ULK3: variants seen among roughly 807,000 people sequenced by gnomAD.
ULK3 encodes serine/threonine-protein kinase ULK3.
Under a neutral mutation model 69.4 loss-of-function variants are expected in ULK3, and 54 were observed. That is an observed-to-expected ratio of 0.78 (90% CI 0.63 to 0.98). The LOEUF (loss-of-function observed/expected upper bound fraction) is 0.98, where lower values mean the gene tolerates loss of function less well. Among genes scored for constraint, ULK3 ranks in the 50% least tolerant of loss-of-function variants. The pLI, the probability that ULK3 is intolerant of heterozygous loss-of-function variation, is 0.00. For missense variants in ULK3, 558 were observed against 627.7 expected (o/e 0.89, Z 1.19); for synonymous variants, 240 against 254.5 (o/e 0.94, Z 0.54).
At chr15:74,839,809 G>C (rs2064179769) in intron 6 of ULK3, 96 bp from the exon 7 acceptor site, 6 of 1,419,240 alleles carry the variant, frequency 4.2e-6, no homozygotes, top group East Asian at 5.0e-5. Flanking sequence ...GGTACGCGTT[G>C]GACAGGTGGG....
chr15:74,842,046 A>T lies in ULK3; in HGVS notation c.364+29T>A, dbSNP rs750941322. The T allele has an allele frequency of 6.2e-7, 1 of 1,613,156 alleles. No homozygotes were observed. The highest frequency in any genetic ancestry group is 1.1e-5 in the South Asian group (1 of 91,068). On this transcript the variant is annotated intron_variant, in intron 3 of 15. Coordinates refer to ENST00000440863, the MANE Select transcript of ULK3 (RefSeq NM_001099436.4). This position sits in a 1 kb window ranked among gnomAD's most constrained non-coding sequence, Gnocchi z 4.9. ...GTGGGGGGCAGAGAACAAGGGACAG[A>T]GTGTCAGGCTGGTGTCACAGGCCTT...
In ULK3 at chr15:74,838,287, C is replaced by G. The variant is rs1008991958; in HGVS notation, c.1225G>C (p.Glu409Gln). ...TCACCTGCCAGCAACAGCAGTAGCT[C>G]CCCCAGGCTGTGCTGGTACAGGTCC... Reference protein sequence around the residue: ...ALDLYQHSLGELLLLLAAEPP... With the variant: ...ALDLYQHSLGQLLLLLAAEPP... The change falls in exon 12 of 16, where the codon GAG (glutamate) becomes CAG (glutamine). Residue 409 changes from glutamate (E) to glutamine (Q), a missense_variant. Physicochemically the swap from Glu to Gln is conservative, Grantham distance 29. Transcript: ENST00000440863. The G allele has an allele frequency of 6.4e-7, 1 of 1,562,482 alleles. No individual in the cohort carries two copies. The highest frequency in any genetic ancestry group is 1.4e-5 in the African/African-American group (1 of 73,636).
chr15:74,839,923 G>A (rs796938551), intron 6 of ULK3, among the ~76,000 whole-genome samples: 21 of 152,294 alleles, frequency 1.4e-4, no homozygotes, highest in African/African-American at 5.1e-4. Flanking sequence ...GGAGCCCTGA[G>A]CTGAGCTAGA....
Position 74,840,775 on chromosome 15 carries a change from C to G in ULK3, c.470-134G>C, listed in dbSNP as rs1048144304. The G allele has an allele frequency of 1.6e-5, 20 of 1,243,638 alleles. No individual in the cohort carries two copies. The African/African-American group carries it at 2.6e-4, about 16-fold the overall frequency. The allele number at this position is 1,243,638 out of a possible 1,614,324, so 77.0% of individuals were successfully genotyped here. ...ACCCTATTTCCAAGCCTCTGCTCAT[C>G]ATTAGGCTGGAACACCCTCCTATAT... On this transcript the variant is annotated intron_variant, in intron 4 of 15. Coordinates refer to ENST00000440863, the MANE Select transcript of ULK3 (RefSeq NM_001099436.4).
At position 74,842,305 on chromosome 15, in the gene ULK3, TG is replaced by T; in HGVS notation, c.217del (p.His73ThrfsTer5). On this transcript the variant is annotated frameshift_variant, in exon 2 of 16. Coordinates refer to ENST00000440863, the MANE Select transcript of ULK3 (RefSeq NM_001099436.4). LOFTEE classifies it high-confidence loss of function. This position sits in a 1 kb window ranked among gnomAD's most constrained non-coding sequence, Gnocchi z 4.9. ...IEILKGIRHP[H>X]IVQLKDFQWD... ...CTGAAAGTCTTTCAGCTGCACAATG[TG>T]GGGATGTCGAATGCCCTTGAGGATC... 2 of 1,614,018 alleles carry T rather than the reference TG, an allele frequency of 1.2e-6. No homozygotes were observed. Among genetic ancestry groups the T allele is most frequent in the Non-Finnish European group, 1.7e-6 (2 of 1,179,882 alleles).
intron 9 of ULK3, 35 bp downstream of exon 9, chr15:74,838,975 T>C (rs1188385615): frequency 2.4e-6 from 3 of 1,251,502 alleles, no homozygotes; most frequent in Non-Finnish European, 2.3e-6. Context: ...CCTTACCCCC[T>C]GCCCCCCCAC....
chr15:74,842,213 G>A lies in ULK3; in HGVS notation c.244-18C>T. The A allele has an allele frequency of 6.2e-7, 1 of 1,614,034 alleles. No homozygotes were observed. The highest frequency in any genetic ancestry group is 8.5e-7 in the Non-Finnish European group (1 of 1,179,896). Reference sequence around the variant, plus strand: ...CTGTCCCACTGTGTTTAGAGGCAGAGAGGCGGCCTGAAGAGAGTGTCCCTT... The same window carrying A: ...CTGTCCCACTGTGTTTAGAGGCAGAAAGGCGGCCTGAAGAGAGTGTCCCTT... On this transcript the variant is annotated intron_variant, in intron 2 of 15. Transcript: ENST00000440863. This position sits in a 1 kb window ranked among gnomAD's most constrained non-coding sequence, Gnocchi z 4.9.
At chr15:74,841,925 G>T in intron 3 of ULK3, 150 bp downstream of exon 3, 1 of 1,327,028 alleles carries the variant, frequency 7.5e-7, no homozygotes. Context: ...AGCAAGGGTT[G>T]AGTGTATGAG....
At position 74,839,336 on chromosome 15, in the gene ULK3, TC is replaced by T; in HGVS notation, c.889del (p.Glu297ArgfsTer60). The T allele has an allele frequency of 6.4e-7, 1 of 1,566,810 alleles. No homozygotes were observed. Among genetic ancestry groups the T allele is most frequent in the Non-Finnish European group, 8.7e-7 (1 of 1,155,262 alleles). ...TGATAAGGCAGCTGCTGAATCCCCC[TC>T]CTGGTCTTTCTTCACAGCCTGCACC... is the stretch of plus-strand genomic sequence containing the variant. ...LVVQAVKKDQ[E>X]GDSAAALSLY... On this transcript the variant is annotated frameshift_variant, in exon 8 of 16. Coordinates refer to ENST00000440863, the MANE Select transcript of ULK3 (RefSeq NM_001099436.4). LOFTEE classifies it high-confidence loss of function.
At position 74,842,739 on chromosome 15, in the gene ULK3, T is replaced by A; in HGVS notation, c.102+265A>T. 6.6e-7 allele frequency: 1 copy of A among 1,517,184 alleles called. No individual in the cohort carries two copies. The highest frequency in any genetic ancestry group is 2.0e-5 in the Admixed American group (1 of 50,490). 94.0% of individuals were successfully genotyped at this position (1,517,184 alleles called of 1,614,324 possible). ...AGAACCGCCCACTCTGCCTCCCAAC[T>A]GGCTCCAGTCCCAGACTCCTCCCAG... is the stretch of plus-strand genomic sequence containing the variant. On this transcript the variant is annotated intron_variant, in intron 1 of 15. Coordinates refer to ENST00000440863, the MANE Select transcript of ULK3 (RefSeq NM_001099436.4). The surrounding 1 kb of genome is among the most constrained non-coding windows in gnomAD (Gnocchi z 4.9).
chr15:74,840,708 T>C, intron 4 of ULK3, 67 bp from the exon 5 acceptor site: 5 of 1,502,942 alleles, frequency 3.3e-6, no homozygotes, highest in Non-Finnish European at 4.4e-6. Context: ...TTGTAAAGCC[T>C]CACCCCAGGC....
intron 10 of ULK3, 38 bp from the exon 11 acceptor site, chr15:74,838,542 C>A: frequency 1.9e-6 from 3 of 1,565,716 alleles, no homozygotes; most frequent in Non-Finnish European, 2.6e-6. Context: ...AGGGAAGCAA[C>A]CTGCCTGTTC....
At chr15:74,841,591 C>G in intron 3 of ULK3, 82 bp from the exon 4 acceptor site, 6 of 1,158,596 alleles carry the variant, frequency 5.2e-6, no homozygotes, top group Non-Finnish European at 7.6e-6. Flanking sequence ...CATCTGCCTC[C>G]TCAAGCCTGC....
In ULK3 at chr15:74,840,636, C is replaced by T. The variant is rs748522198; in HGVS notation, c.475G>A (p.Gly159Ser). 1.9e-6 allele frequency: 3 copies of T among 1,562,680 alleles called. No homozygotes were observed. The highest frequency in any genetic ancestry group is 2.6e-6 in the Non-Finnish European group (3 of 1,156,996). Residue 159 changes from glycine to serine, a missense_variant, in exon 5 of 16, where the codon GGT (glycine) becomes AGT (serine). Coordinates refer to ENST00000440863, the MANE Select transcript of ULK3 (RefSeq NM_001099436.4). ...EKPHLKLADF[G>S]FAQHMSPWDE... The stretch of plus-strand genomic sequence containing the variant: ...CACGGGGACATGTGTTGTGCGAAAC[C>T]AAAGTCTGCAGGCAAGAGGAGAGGC...
chr15:74,840,577 GA>G lies in ULK3; in HGVS notation c.533del (p.Leu178ProfsTer115). ...DEKHVLRGSP[L>X]YMAPEMVCQR... Reference sequence around the variant, plus strand: ...GGCACACCATCTCGGGGGCCATGTAGAGGGGGGAGCCACGGAGCACGTGCTT... The same window carrying G: ...GGCACACCATCTCGGGGGCCATGTAGGGGGGGAGCCACGGAGCACGTGCTT... On this transcript the variant is annotated frameshift_variant, in exon 5 of 16. Coordinates refer to ENST00000440863, the MANE Select transcript of ULK3 (RefSeq NM_001099436.4). LOFTEE classifies it high-confidence loss of function. The G allele has an allele frequency of 5.0e-6, 8 of 1,609,402 alleles. No homozygotes were observed. Among genetic ancestry groups the G allele is most frequent in the Non-Finnish European group, 6.8e-6 (8 of 1,178,504 alleles).
chr15:74,840,655 G>C lies in ULK3; in HGVS notation c.470-14C>G. ...CGAAACCAAAGTCTGCAGGCAAGAG[G>C]AGAGGCAGCAGGGCTTGAATTCCAG... On this transcript the variant is annotated splice_polypyrimidine_tract_variant and intron_variant, in intron 4 of 15. Transcript: ENST00000440863. The C allele has an allele frequency of 2.6e-6, 4 of 1,545,566 alleles. No individual in the cohort carries two copies. Among genetic ancestry groups the C allele is most frequent in the Non-Finnish European group, 3.5e-6 (4 of 1,148,652 alleles).
At chr15:74,839,078 T>A (rs1157445281) in intron 8 of ULK3, 28 bp from the exon 9 acceptor site, 1 of 1,592,402 alleles carries the variant, frequency 6.3e-7, no homozygotes, top group Non-Finnish European at 8.6e-7. Context: ...ATATGAGGAG[T>A]CTGGGCGAAC....
Position 74,839,703 on chromosome 15 carries a change from C to G in ULK3, c.707G>C (p.Arg236Pro). Residue 236 changes from arginine to proline, a missense_variant, in exon 7 of 16, where the codon CGG becomes CCG. Arg to Pro is a moderately radical substitution (Grantham distance 103). Coordinates refer to ENST00000440863, the MANE Select transcript of ULK3 (RefSeq NM_001099436.4). Reference protein sequence around the residue: ...RSNRVIELPLRPLLSRDCRDL... With the variant: ...RSNRVIELPLPPLLSRDCRDL... ...CCGGCAGTCTCGGGAGAGCAGGGGC[C>G]GCAAGGGGAGCTGCAGGGAAGGGAA... 6.5e-7 allele frequency: 1 copy of G among 1,546,734 alleles called. No individual in the cohort carries two copies. Among genetic ancestry groups the G allele is most frequent in the Non-Finnish European group, 8.7e-7 (1 of 1,148,982 alleles).
At position 74,840,287 on chromosome 15, in the gene ULK3, AG is replaced by A; in HGVS notation, c.642del (p.Ser215ProfsTer78). 1 of 1,611,052 alleles carries A rather than the reference AG, an allele frequency of 6.2e-7. No homozygotes were observed. Among genetic ancestry groups the A allele is most frequent in the Non-Finnish European group, 8.5e-7 (1 of 1,178,790 alleles). ...TCTTCCAGCTCCGAGAACGACCTGG[AG>A]GCAAAGGGGGGCTGCCCGAAGAGGG... ...YEALFGQPPF[A>X]SRSFSELEEK... On this transcript the variant is annotated frameshift_variant, in exon 6 of 16. Coordinates refer to ENST00000440863, the MANE Select transcript of ULK3 (RefSeq NM_001099436.4). LOFTEE classifies it high-confidence loss of function.
Sources: gnomAD v4.1 joint callset for allele counts (sites outside exome capture counted in the v4.1 genomes callset) on GRCh38, gnomAD v4.1.1 for gene constraint, Gnocchi (gnomAD v3.1) non-coding constraint, MANE v1.5 for transcripts, NCBI Gene and HGNC (gene_info 2026-07-23, HGNC 2026-07-21) for gene names.